Variants in LETM2 observed in about 807,000 individuals in gnomAD.
LETM2 encodes LETM1 domain-containing protein LETM2, mitochondrial.
A neutral mutation model predicts 59.6 loss-of-function variants in LETM2; 58 were observed. The observed-to-expected ratio is 0.97, with a 90% CI of 0.79 to 1.21. LETM2 has a LOEUF of 1.21. Among genes scored for constraint, LETM2 ranks in the 50% most tolerant of loss-of-function variants. LETM2 has a pLI of 0.00. For missense variants in LETM2, 572 were observed against 575.7 expected (o/e 0.99, Z 0.07); for synonymous variants, 199 against 214.1 (o/e 0.93, Z 0.62).
chr8:38,388,977 G>C (rs933063528), intron 2 of LETM2, among the ~76,000 whole-genome samples: 1 of 151,886 alleles, frequency 6.6e-6, no homozygotes, highest in African/African-American at 2.4e-5. Flanking sequence ...TGTTGGCCAG[G>C]CTGGTCTTGA....
At chr8:38,403,132 C>A (rs1466945330) in intron 7 of LETM2, among the ~76,000 whole-genome samples, 1 of 152,222 alleles carries the variant, frequency 6.6e-6, no homozygotes, top group Non-Finnish European at 1.5e-5. Context: ...AGAGCTTCCT[C>A]ATGCTTGAAA....
intron 8 of LETM2, 59 bp from the exon 9 acceptor site, chr8:38,406,887 G>A (rs1015147329): frequency 1.7e-6 from 2 of 1,155,742 alleles, no homozygotes; most frequent in African/African-American, 1.5e-5. Context: ...TACTGTAAAA[G>A]TTTCTGGGTT....
intron 7 of LETM2, among the ~76,000 whole-genome samples, chr8:38,403,606 T>G (rs2150447881): frequency 6.6e-6 from 1 of 152,366 alleles, no homozygotes; most frequent in South Asian, 2.1e-4. Flanking sequence ...CTATTACATT[T>G]CATTCTCATC....
At chr8:38,387,894 C>A (rs369560038) in intron 1 of LETM2, 56 bp from the exon 2 acceptor site, 3 of 730,864 alleles carry the variant, frequency 4.1e-6, no homozygotes, top group East Asian at 2.7e-5. Flanking sequence ...ATCCTGATGT[C>A]TTTTAATTGA....
In LETM2 at chr8:38,392,751, A is replaced by G. The variant is rs746333592; in HGVS notation, c.257A>G (p.Glu86Gly). 4 of 1,614,186 alleles carry G rather than the reference A, an allele frequency of 2.5e-6. No homozygotes were observed. In the Admixed American group the frequency reaches 6.7e-5, roughly 27 times the overall value. Residue 86 changes from glutamate (E) to glycine (G), a missense_variant, in exon 3 of 11, where the codon GAA becomes GGA. Glu to Gly is a moderately conservative substitution (Grantham distance 98, BLOSUM62 -2). Transcript: ENST00000379957. ...CACACATCCACTTGCTGGCTGCAAGAAGTTCCTGGCAAACCTCAGCTGGAG... is the reference window on the plus strand; with the variant it reads ...CACACATCCACTTGCTGGCTGCAAGGAGTTCCTGGCAAACCTCAGCTGGAG... ...KLHTSTCWLQ[E>G]VPGKPQLEQA...
In LETM2 at chr8:38,391,794, C is replaced by T. The variant is rs144509637; in HGVS notation, c.48-748C>T. ...GCAACCTTCACCTCCTGGGTTCAAG[C>T]GATTCTCCTGCCTCAGCCTCCCTAG... On this transcript the variant is annotated intron_variant, in intron 2 of 10. Transcript: ENST00000379957. 2.6e-3 allele frequency among the ~76,000 whole-genome samples: 377 copies of T among 147,600 alleles called. 1 individual carries two copies. Among genetic ancestry groups the T allele is most frequent in the African/African-American group, 8.4e-3 (335 of 39,988 alleles).
In LETM2 at chr8:38,393,205, G is replaced by A. The variant is rs567941817; in HGVS notation, c.501+210G>A. 3.0e-4 allele frequency: 153 copies of A among 508,858 alleles called. 2 individuals carry two copies. Among genetic ancestry groups the A allele is most frequent in the Middle Eastern group, 5.1e-4 (1 of 1,976 alleles). 31.5% of individuals were successfully genotyped at this position (508,858 alleles called of 1,614,324 possible). Reference sequence around the variant, plus strand: ...TTTGTTATATATTTTCCTGTATAACGGTTTTTAAAAAAAACTTTTATTTTA... The same window carrying A: ...TTTGTTATATATTTTCCTGTATAACAGTTTTTAAAAAAAACTTTTATTTTA... On this transcript the variant is annotated intron_variant, in intron 3 of 10. Coordinates refer to ENST00000379957, the MANE Select transcript of LETM2 (RefSeq NM_001286819.2).
chr8:38,404,217 A>G (rs1406319323), intron 7 of LETM2, 176 bp from the exon 8 acceptor site: 2 of 561,762 alleles, frequency 3.6e-6, no homozygotes, highest in South Asian at 2.2e-5. Context: ...GTGCCCCCTC[A>G]GTGCAGAAGC....
intron 4 of LETM2, chr8:38,396,849 G>C (rs1812729871): frequency 5.4e-6 from 1 of 183,948 alleles, no homozygotes; most frequent in South Asian, 8.8e-5. Context: ...GGAGGTTGAG[G>C]CTGCAGTGAA....
intron 8 of LETM2, among the ~76,000 whole-genome samples, chr8:38,405,685 G>C (rs1349121888): frequency 6.6e-6 from 1 of 152,194 alleles, no homozygotes; most frequent in Non-Finnish European, 1.5e-5. Flanking sequence ...GCAGGCTAGT[G>C]GGTTCTTATT....
upstream of LETM2, among the ~76,000 whole-genome samples, chr8:38,385,137 C>T (rs1228089213): frequency 6.6e-6 from 1 of 152,206 alleles, no homozygotes; most frequent in African/African-American, 2.4e-5. Flanking sequence ...ATCAGACATG[C>T]ACAAAGAGAC....
chr8:38,383,819 A>G (rs1210121608), upstream of LETM2, among the ~76,000 whole-genome samples: 1 of 151,736 alleles, frequency 6.6e-6, no homozygotes, highest in Non-Finnish European at 1.5e-5. Context: ...AGTCCCAGCT[A>G]CTCAGGAGGC....
intron 1 of LETM2, among the ~76,000 whole-genome samples, chr8:38,387,617 A>T (rs1380923648): frequency 6.6e-6 from 1 of 152,154 alleles, no homozygotes; most frequent in Non-Finnish European, 1.5e-5. Context: ...CTACAGATAG[A>T]TATGTATTGC....
At chr8:38,405,669 T>TA (rs1340059931) in intron 8 of LETM2, among the ~76,000 whole-genome samples, 1 of 152,230 alleles carries the variant, frequency 6.6e-6, no homozygotes, top group Non-Finnish European at 1.5e-5. Context: ...GACCATGTTC[T>TA]AAAAGGCAGG....
chr8:38,407,257 T>C (rs1813798851), intron 9 of LETM2, 105 bp from the exon 10 acceptor site: 3 of 943,670 alleles, frequency 3.2e-6, no homozygotes, highest in African/African-American at 3.3e-5. Flanking sequence ...TGTGCCAGGA[T>C]ATGAGGTAGT....
chr8:38,395,618 T>G (rs1172984342), intron 4 of LETM2, among the ~76,000 whole-genome samples: 1 of 151,962 alleles, frequency 6.6e-6, no homozygotes, highest in Non-Finnish European at 1.5e-5. Flanking sequence ...CGGGTTCAAG[T>G]GATTCTCCTG....
chr8:38,403,954 G>A (rs1813468621), intron 7 of LETM2, among the ~76,000 whole-genome samples: 1 of 152,092 alleles, frequency 6.6e-6, no homozygotes, highest in Non-Finnish European at 1.5e-5. Context: ...AAACTCCCGG[G>A]CTCAAGCGAT....
intron 7 of LETM2, among the ~76,000 whole-genome samples, chr8:38,403,555 T>TC (rs1477129488): frequency 1.3e-5 from 2 of 152,274 alleles, no homozygotes; most frequent in Non-Finnish European, 2.9e-5. Context: ...TATTTGGACT[T>TC]CAAGTAAGAG....
At chr8:38,383,924 T>C (rs1334472857), upstream of LETM2, among the ~76,000 whole-genome samples, 2 of 134,208 alleles carry the variant, frequency 1.5e-5, no homozygotes, top group African/African-American at 5.5e-5. Flanking sequence ...AGAGAGGCTA[T>C]GTCTCAAAAA....
Sources: allele counts gnomAD v4.1 joint callset (sites outside exome capture counted in the v4.1 genomes callset), GRCh38; gene constraint gnomAD v4.1.1; transcripts MANE v1.5; gene names NCBI Gene and HGNC (gene_info 2026-07-23, HGNC 2026-07-21).